Variants in TCF12 observed in about 807,000 individuals in gnomAD.
The protein encoded by TCF12 is transcription factor 12.
In TCF12, 45 loss-of-function variants were observed where a neutral mutation model predicts 86.0. That is an observed-to-expected ratio of 0.52 (90% CI 0.41 to 0.67). The LOEUF (loss-of-function observed/expected upper bound fraction) is 0.67. Ranked by LOEUF, TCF12 falls within the 30% of genes least tolerant of loss-of-function variation. The pLI is 0.00. For missense variants in TCF12, 881 were observed against 859.9 expected, an observed-to-expected ratio of 1.02 and a Z score of -0.31; for synonymous variants, 330 against 299.6, an observed-to-expected ratio of 1.10 and a Z score of -1.05.
At chr15:57,158,301 C>A (rs1298395654) in intron 5 of TCF12, among the ~76,000 whole-genome samples, 1 of 151,854 alleles carries the variant, frequency 6.6e-6, no homozygotes. Flanking sequence ...ATCTCAGCCC[C>A]CCTGGTAGCT....
intron 3 of TCF12, among the ~76,000 whole-genome samples, chr15:56,963,263 G>GA (rs1193566495): frequency 6.6e-6 from 1 of 151,950 alleles, no homozygotes; most frequent in East Asian, 1.9e-4. Context: ...GAAAAGAGAT[G>GA]AAAAAACAAT....
intron 3 of TCF12, chr15:57,001,401 A>G (rs979132546): frequency 1.1e-5 from 2 of 180,534 alleles, no homozygotes; most frequent in African/African-American, 2.4e-5. Flanking sequence ...ATTTCCACCA[A>G]AAAGGACGTT....
intron 8 of TCF12, among the ~76,000 whole-genome samples, chr15:57,220,016 G>A (rs576349590): frequency 1.3e-5 from 2 of 152,124 alleles, no homozygotes; most frequent in South Asian, 2.1e-4. Context: ...ATGAGCCACC[G>A]CGCCCAGCCT....
At chr15:57,232,074 A>G (rs1242313868) in intron 9 of TCF12, among the ~76,000 whole-genome samples, 1 of 152,160 alleles carries the variant, frequency 6.6e-6, no homozygotes, top group African/African-American at 2.4e-5. Context: ...TGGCCTGCCT[A>G]TTACAGCTTA....
At chr15:57,246,243 G>A (rs2059853458) in intron 13 of TCF12, among the ~76,000 whole-genome samples, 1 of 152,172 alleles carries the variant, frequency 6.6e-6, no homozygotes, top group East Asian at 1.9e-4. Flanking sequence ...AGCCACATAA[G>A]CAGCTTCTAA....
chr15:57,133,624 GT>G (rs61579168), intron 5 of TCF12, among the ~76,000 whole-genome samples: 9,562 of 144,524 alleles, frequency 0.066, 564 homozygotes, highest in Admixed American at 0.19. Flanking sequence ...GCAGTAATGT[GT>G]TTTTTTTTTT....
intron 3 of TCF12, among the ~76,000 whole-genome samples, chr15:57,040,477 G>A (rs961223947): frequency 6.6e-6 from 1 of 152,232 alleles, no homozygotes. Context: ...GTAAGAATTG[G>A]CTGAATAGTA....
chr15:57,239,923 A>G (rs1229313578), intron 12 of TCF12, among the ~76,000 whole-genome samples: 1 of 152,206 alleles, frequency 6.6e-6, no homozygotes, highest in Non-Finnish European at 1.5e-5. Flanking sequence ...CAGTGTGACA[A>G]GAGAGATACC....
chr15:57,078,252 A>C (rs1371061012), intron 4 of TCF12, among the ~76,000 whole-genome samples: 6 of 152,136 alleles, frequency 3.9e-5, no homozygotes, highest in Non-Finnish European at 7.4e-5. Flanking sequence ...GCATCTTCTA[A>C]ACTATTCATA....
intron 3 of TCF12, among the ~76,000 whole-genome samples, chr15:57,031,885 TCAGCTGA>T (rs374923818): frequency 1.5e-4 from 23 of 152,342 alleles, no homozygotes; most frequent in African/African-American, 5.1e-4. Flanking sequence ...GGTAATGACA[TCAGCTGA>T]CAGCCGTTGC....
chr15:57,193,236 T>C (rs2151716952), intron 7 of TCF12, among the ~76,000 whole-genome samples: 1 of 152,316 alleles, frequency 6.6e-6, no homozygotes, highest in Non-Finnish European at 1.5e-5. Context: ...TTTTGCATAT[T>C]ACTTGCTTCT....
At chr15:57,008,738 C>G (rs1406019647) in intron 3 of TCF12, among the ~76,000 whole-genome samples, 1 of 152,188 alleles carries the variant, frequency 6.6e-6, no homozygotes, top group African/African-American at 2.4e-5. Flanking sequence ...GCTGTAGTGT[C>G]TAGCCATGTC....
At chr15:57,290,418 T>G (rs2062059611), downstream of TCF12, among the ~76,000 whole-genome samples, 1 of 151,798 alleles carries the variant, frequency 6.6e-6, no homozygotes, top group Non-Finnish European at 1.5e-5. Context: ...CTGTATCAGT[T>G]TGGGTTCTTA....
chr15:57,099,648 A>G (rs543717817), intron 5 of TCF12, among the ~76,000 whole-genome samples: 3 of 152,214 alleles, frequency 2.0e-5, no homozygotes, highest in East Asian at 1.9e-4. Context: ...TTAGCCTACT[A>G]TTTCTAACTC....
intron 3 of TCF12, among the ~76,000 whole-genome samples, chr15:56,981,954 A>G (rs1595952678): frequency 6.6e-6 from 1 of 151,986 alleles, no homozygotes; most frequent in African/African-American, 2.4e-5. Flanking sequence ...AGGTGGGGAG[A>G]TAGAATGGGA....
chr15:56,988,727 A>G (rs1196376732), intron 3 of TCF12, among the ~76,000 whole-genome samples: 1 of 152,206 alleles, frequency 6.6e-6, no homozygotes, highest in Non-Finnish European at 1.5e-5. Flanking sequence ...TGTGTCTGAA[A>G]TTAATTCCAG....
At chr15:57,139,379 C>G (rs2052790499) in intron 5 of TCF12, among the ~76,000 whole-genome samples, 1 of 152,162 alleles carries the variant, frequency 6.6e-6, no homozygotes, top group South Asian at 2.1e-4. Context: ...CAGAAATCAT[C>G]ATACATATAA....
At position 57,232,282 on chromosome 15, in the gene TCF12, T is replaced by G. The variant is rs1199311570; in HGVS notation, c.686-9T>G. The stretch of plus-strand genomic sequence containing the variant: ...TAAGGAAAATTTTATATTTCTCTTT[T>G]TGTCTTAGATGGGACCCACAATTCT... On this transcript the variant is annotated splice_polypyrimidine_tract_variant and intron_variant, in intron 9 of 20. Coordinates refer to ENST00000333725, the MANE Select transcript of TCF12 (RefSeq NM_207037.2). 1.4e-5 allele frequency: 22 copies of G among 1,613,108 alleles called. No homozygotes were observed. Among genetic ancestry groups the G allele is most frequent in the Non-Finnish European group, 1.9e-5 (22 of 1,179,712 alleles).
At chr15:56,976,472 C>T (rs957930499) in intron 3 of TCF12, among the ~76,000 whole-genome samples, 9 of 151,610 alleles carry the variant, frequency 5.9e-5, no homozygotes, top group African/African-American at 2.2e-4. Flanking sequence ...CTCCTGACCT[C>T]GTCATCCGCC....
Sources: allele counts gnomAD v4.1 joint callset (sites outside exome capture counted in the v4.1 genomes callset), GRCh38; gene constraint gnomAD v4.1.1; transcripts MANE v1.5; gene names NCBI Gene and HGNC (gene_info 2026-07-23, HGNC 2026-07-21).